The following LRFN5 variants were observed in gnomAD, a reference collection of about 807,000 sequenced individuals.
LRFN5 encodes the protein leucine-rich repeat and fibronectin type-III domain-containing protein 5.
In LRFN5, 24 loss-of-function variants were observed where a neutral mutation model predicts 45.6. The ratio of observed to expected loss-of-function variants is 0.53; its 90% CI spans 0.38 to 0.74. LRFN5 has a LOEUF of 0.74. Among genes scored for constraint, LRFN5 ranks in the 30% least tolerant of loss-of-function variants. The probability of loss-of-function intolerance (pLI) is 0.00; values close to 1 mark genes in which losing one functional copy is unlikely to be tolerated. For synonymous variants in LRFN5, 340 were observed against 313.8 expected, an observed-to-expected ratio of 1.08 and a Z score of -0.88; for missense variants, 776 against 861.5, an observed-to-expected ratio of 0.90 and a Z score of 1.24.
At chr14:41,611,948 T>G (rs1887772676) in intron 1 of LRFN5, among the ~76,000 whole-genome samples, 1 of 152,210 alleles carries the variant, frequency 6.6e-6, no homozygotes, top group Non-Finnish European at 1.5e-5. Context: ...GGATTTTGGG[T>G]GTTAAAGCAG....
intron 2 of LRFN5, among the ~76,000 whole-genome samples, chr14:41,771,310 A>G (rs1424576721): frequency 6.6e-6 from 1 of 151,774 alleles, no homozygotes; most frequent in East Asian, 2.0e-4. Context: ...TGTCTGGGAT[A>G]TTAGCTCATG....
chr14:41,844,204 A>T (rs186823969), intron 2 of LRFN5, among the ~76,000 whole-genome samples: 7 of 152,084 alleles, frequency 4.6e-5, no homozygotes, highest in Non-Finnish European at 1.0e-4. Flanking sequence ...TTGGGAGGCC[A>T]AGGTGGGCGG....
chr14:41,710,949 T>C (rs949373223), intron 1 of LRFN5, among the ~76,000 whole-genome samples: 4 of 152,182 alleles, frequency 2.6e-5, no homozygotes, highest in Non-Finnish European at 4.4e-5. Context: ...CTCATCTTTT[T>C]TTATGGCTGC....
At chr14:41,707,709 GAATGC>G (rs1217062101) in intron 1 of LRFN5, among the ~76,000 whole-genome samples, 3 of 151,876 alleles carry the variant, frequency 2.0e-5, no homozygotes, top group Admixed American at 6.6e-5. Flanking sequence ...GCACATTGAC[GAATGC>G]AACCCCCTGC....
chr14:41,781,986 T>A (rs1190334243), intron 2 of LRFN5, among the ~76,000 whole-genome samples: 1 of 152,114 alleles, frequency 6.6e-6, no homozygotes, highest in African/African-American at 2.4e-5. Flanking sequence ...AATTTGAACA[T>A]TCTCTAAATG....
rs115830372 is a variant in LRFN5, at chr14:41,862,344, G to C, written c.-20-24262G>C. ...CTTGTAGAATCACCCAGTACTTTAT[G>C]TGATTTTATTTACCTAGTGTTACTC... On this transcript the variant is annotated intron_variant, in intron 2 of 5. Coordinates refer to ENST00000298119, the MANE Select transcript of LRFN5 (RefSeq NM_152447.5). Among the ~76,000 whole-genome samples the C allele has an allele frequency of 7.4e-3, 1,132 of 152,112 alleles. 10 individuals carry two copies. Among genetic ancestry groups the C allele is most frequent in the African/African-American group, 0.025 (1,035 of 41,500 alleles).
rs780489054 is a variant in LRFN5, at chr14:41,891,981, C to T, written c.2098+19C>T. On this transcript the variant is annotated intron_variant, in intron 4 of 5. Coordinates refer to ENST00000298119, the MANE Select transcript of LRFN5 (RefSeq NM_152447.5). ...AAGCCAAGTAAGTTTATCACTTTGC[C>T]TGCTGAGAGATCCGGAGCAAGGCAC... is the stretch of plus-strand genomic sequence containing the variant. The T allele has an allele frequency of 6.2e-7, 1 of 1,605,690 alleles. No homozygotes were observed. Among genetic ancestry groups the T allele is most frequent in the Non-Finnish European group, 8.5e-7 (1 of 1,177,798 alleles).
At position 41,678,304 on chromosome 14, in the gene LRFN5, C is replaced by T. The variant is rs529377643; in HGVS notation, c.-197+69742C>T. ...TATATATATTCCGTATATGTATATGCCATATATATGAAAATATTCAAATAA... is the reference window on the plus strand; with the variant it reads ...TATATATATTCCGTATATGTATATGTCATATATATGAAAATATTCAAATAA... On this transcript the variant is annotated intron_variant, in intron 1 of 5. Transcript: ENST00000298119. Among the ~76,000 whole-genome samples the T allele has an allele frequency of 1.2e-3, 175 of 151,726 alleles. 2 individuals carry two copies. The highest frequency in any genetic ancestry group is 1.2e-3 in the Non-Finnish European group (81 of 67,914).
intron 4 of LRFN5, 53 bp downstream of exon 4, chr14:41,892,015 C>G: frequency 6.3e-7 from 1 of 1,576,860 alleles, no homozygotes; most frequent in Non-Finnish European, 8.6e-7. Flanking sequence ...ACAAGTACTC[C>G]CTCAATGGAG....
chr14:41,643,620 T>C (rs567654101), intron 1 of LRFN5, among the ~76,000 whole-genome samples: 2 of 152,114 alleles, frequency 1.3e-5, no homozygotes, highest in South Asian at 4.1e-4. Flanking sequence ...TTCGATAACA[T>C]CATTTCACAT....
intron 4 of LRFN5, chr14:41,892,468 G>GA (rs1265211828): frequency 6.7e-5 from 66 of 981,554 alleles, no homozygotes; most frequent in Non-Finnish European, 7.6e-5. Context: ...AATTGTTGTA[G>GA]AAAAAAGTAT....
chr14:41,754,858 G>C (rs138832144), intron 1 of LRFN5, among the ~76,000 whole-genome samples: 90 of 152,152 alleles, frequency 5.9e-4, no homozygotes, highest in Admixed American at 1.6e-3. Context: ...TGTGATGTTA[G>C]GGTGTCGATT....
At chr14:41,898,459 T>G (rs924571901) in intron 4 of LRFN5, among the ~76,000 whole-genome samples, 6 of 152,066 alleles carry the variant, frequency 3.9e-5, no homozygotes, top group African/African-American at 1.4e-4. Context: ...ATATTTTAAG[T>G]GATTCTTTTG....
chr14:41,740,802 A>G (rs1884657366), intron 1 of LRFN5, among the ~76,000 whole-genome samples: 1 of 152,066 alleles, frequency 6.6e-6, no homozygotes, highest in Non-Finnish European at 1.5e-5. Context: ...TTTGCCAATG[A>G]GGTGATTTTT....
At chr14:41,873,495 T>A (rs1208058529) in intron 2 of LRFN5, among the ~76,000 whole-genome samples, 1 of 151,816 alleles carries the variant, frequency 6.6e-6, no homozygotes, top group African/African-American at 2.4e-5. Context: ...CCATATGGTG[T>A]TAGTTTGTCA....
At chr14:41,657,176 A>G (rs1374570136) in intron 1 of LRFN5, among the ~76,000 whole-genome samples, 1 of 151,948 alleles carries the variant, frequency 6.6e-6, no homozygotes, top group Non-Finnish European at 1.5e-5. Context: ...ATTATGAAAC[A>G]TTGTCCAGTT....
intron 1 of LRFN5, among the ~76,000 whole-genome samples, chr14:41,638,265 C>T (rs1381308505): frequency 6.6e-6 from 1 of 151,824 alleles, no homozygotes; most frequent in Non-Finnish European, 1.5e-5. Context: ...ATAACTTGTT[C>T]CTCCTAATTA....
At chr14:41,801,686 C>A (rs559523750) in intron 2 of LRFN5, among the ~76,000 whole-genome samples, 2 of 152,322 alleles carry the variant, frequency 1.3e-5, no homozygotes, top group South Asian at 4.1e-4. Flanking sequence ...TGAAGCACCA[C>A]ACAGAGTGTG....
intron 1 of LRFN5, among the ~76,000 whole-genome samples, chr14:41,756,675 T>C (rs895829110): frequency 6.6e-6 from 1 of 151,976 alleles, no homozygotes; most frequent in Non-Finnish European, 1.5e-5. Context: ...TTTTTCAAGG[T>C]TTTTAACTTC....
Sources: allele counts gnomAD v4.1 joint callset (sites outside exome capture counted in the v4.1 genomes callset), GRCh38; gene constraint gnomAD v4.1.1; transcripts MANE v1.5; gene names NCBI Gene and HGNC (gene_info 2026-07-23, HGNC 2026-07-21).